The following LATS2 variants were observed in gnomAD, a reference collection of about 807,000 sequenced individuals.
The protein encoded by LATS2 is serine/threonine-protein kinase LATS2.
A neutral mutation model predicts 76.0 loss-of-function variants in LATS2; 24 were observed. The observed-to-expected ratio is 0.32, with a 90% CI of 0.23 to 0.44. The LOEUF (loss-of-function observed/expected upper bound fraction) is 0.44, where lower values mean the gene tolerates loss of function less well. Ranked by LOEUF, LATS2 falls within the 20% of genes least tolerant of loss-of-function variation. The pLI is 1.00. For synonymous variants in LATS2, 692 were observed against 635.4 expected (o/e 1.09, Z -1.34); for missense variants, 1,286 against 1,481.2 (o/e 0.87, Z 2.16).
chr13:20,993,637 C>T (rs1486262253), intron 2 of LATS2, among the ~76,000 whole-genome samples: 1 of 151,986 alleles, frequency 6.6e-6, no homozygotes, highest in Non-Finnish European at 1.5e-5. Flanking sequence ...GTTAAAGTGG[C>T]GCCTGGACTA....
chr13:21,051,389 T>C (rs573876818), intron 1 of LATS2, among the ~76,000 whole-genome samples: 1 of 152,218 alleles, frequency 6.6e-6, no homozygotes, highest in African/African-American at 2.4e-5. Context: ...ACAATGAAAG[T>C]TTGCCCAAAG....
Position 21,050,199 on chromosome 13 carries a change from AG to A in LATS2, c.-204-3970del, listed in dbSNP as rs201397018. On this transcript the variant is annotated intron_variant, in intron 1 of 7. Coordinates refer to ENST00000382592, the MANE Select transcript of LATS2 (RefSeq NM_014572.3). ...AGATGGAAAGCTGCTGAAAGCCAGG[AG>A]GAACAGTAAGGCTTTTGGGGGTGGA... Among the ~76,000 whole-genome samples the A allele has an allele frequency of 3.5e-4, 44 of 125,660 alleles. 1 individual carries two copies. In the East Asian group the frequency reaches 9.4e-3, roughly 27 times the overall value. 82.4% of individuals were successfully genotyped at this position (125,660 alleles called of 152,430 possible). A position where few individuals can be genotyped will look rare whatever the true frequency, so the allele number is the denominator to read the frequency against.
At chr13:21,025,812 G>A (rs971782764) in intron 2 of LATS2, among the ~76,000 whole-genome samples, 9 of 152,194 alleles carry the variant, frequency 5.9e-5, no homozygotes, top group African/African-American at 2.2e-4. Flanking sequence ...TTCCAGGCTA[G>A]AAAAAAGCAG....
chr13:21,033,825 CT>C (rs1872608450), intron 2 of LATS2, among the ~76,000 whole-genome samples: 4 of 151,732 alleles, frequency 2.6e-5, no homozygotes. Flanking sequence ...TAATCATTTA[CT>C]TTTGTACAAA....
intron 7 of LATS2, among the ~76,000 whole-genome samples, chr13:20,978,756 CTCT>C (rs1385224383): frequency 6.6e-6 from 1 of 152,066 alleles, no homozygotes; most frequent in Non-Finnish European, 1.5e-5. Flanking sequence ...AACCTATTTT[CTCT>C]TCTTTATGAT....
At position 20,992,242 on chromosome 13, in the gene LATS2, C is replaced by A. The variant is rs142061899; in HGVS notation, c.343-838G>T. 7.0e-4 allele frequency among the ~76,000 whole-genome samples: 107 copies of A among 152,232 alleles called. 2 individuals carry two copies. The highest frequency in any genetic ancestry group is 2.3e-3 in the African/African-American group (95 of 41,550). ...GAAAGATGGGCCCATGGCAGCAGCA[C>A]GCAAGGGTAGGTGGAGATGGGGGGA... On this transcript the variant is annotated intron_variant, in intron 2 of 7. Transcript: ENST00000382592.
chr13:20,998,141 G>A (rs1056112895), intron 2 of LATS2, among the ~76,000 whole-genome samples: 20 of 152,020 alleles, frequency 1.3e-4, no homozygotes, highest in African/African-American at 4.6e-4. Flanking sequence ...AGGTAGGATC[G>A]CTTGAGGCCA....
chr13:21,007,582 TA>T (rs1871339672), intron 2 of LATS2, among the ~76,000 whole-genome samples: 1 of 19,872 alleles, frequency 5.0e-5, no homozygotes, highest in African/African-American at 3.8e-4. Flanking sequence ...TATATATATA[TA>T]TATAGTATAT....
chr13:21,013,645 C>T (rs1008765741), intron 2 of LATS2, among the ~76,000 whole-genome samples: 1 of 152,106 alleles, frequency 6.6e-6, no homozygotes, highest in Non-Finnish European at 1.5e-5. Flanking sequence ...TTCTTGTCCT[C>T]CCAATAAATT....
At chr13:21,007,683 GTATA>G (rs1309299079) in intron 2 of LATS2, among the ~76,000 whole-genome samples, 6 of 354 alleles carry the variant, frequency 0.017, 1 homozygote, top group African/African-American at 0.021. Context: ...TATATATATA[GTATA>G]TATATATATA....
intron 2 of LATS2, among the ~76,000 whole-genome samples, chr13:21,027,658 T>G (rs1434547318): frequency 1.3e-5 from 2 of 152,182 alleles, no homozygotes; most frequent in Non-Finnish European, 2.9e-5. Flanking sequence ...TGGTCCAAAG[T>G]CAGGTCTAGC....
Position 20,974,874 on chromosome 13 carries a change from A to C in LATS2, c.3263T>G (p.Val1088Gly). The change falls in exon 8 of 8, where the codon GTG becomes GGG. Residue 1088 changes from valine to glycine, a missense_variant. Coordinates refer to ENST00000382592, the MANE Select transcript of LATS2 (RefSeq NM_014572.3). ...GTGGGGGTGCCTGGCCCCCATCTAC[A>C]CGTACACAGGCTGGCAGCCTTCAGT... Reference protein sequence around the residue: ...DQTEGCQPVYV With the variant: ...DQTEGCQPVYG The C allele has an allele frequency of 1.2e-6, 2 of 1,609,106 alleles. No homozygotes were observed. Among genetic ancestry groups the C allele is most frequent in the Non-Finnish European group, 1.7e-6 (2 of 1,177,552 alleles).
In LATS2 at chr13:20,989,260, C is replaced by G. The variant is rs769467425; in HGVS notation, c.520G>C (p.Glu174Gln). 1 of 1,614,000 alleles carries G rather than the reference C, an allele frequency of 6.2e-7. No homozygotes were observed. The highest frequency in any genetic ancestry group is 2.2e-5 in the East Asian group (1 of 44,882). Residue 174 changes from glutamate to glutamine, a missense_variant, in exon 4 of 8, where the codon GAA becomes CAA. Glu to Gln is a conservative substitution (Grantham distance 29). Around this residue, in one of 5 missense-constraint regions of LATS2, gnomAD observed 710 missense variants for 660.9 expected, o/e 1.07. Coordinates refer to ENST00000382592, the MANE Select transcript of LATS2 (RefSeq NM_014572.3). ...GACGCAAACGAATCGCCGGTTCCTT[C>G]GAAGCTGGGCCTCCGCGTCACTGGG... The part of the protein sequence containing the change: ...PTPVTRRPSF[E>Q]GTGDSFASYH...
chr13:20,987,055 C>T (rs1324381756), intron 4 of LATS2, among the ~76,000 whole-genome samples: 1 of 152,042 alleles, frequency 6.6e-6, no homozygotes, highest in African/African-American at 2.4e-5. Context: ...AATGGCCAGG[C>T]GTGGTGGTAG....
chr13:21,000,216 C>T (rs1870980522), intron 2 of LATS2, among the ~76,000 whole-genome samples: 1 of 151,910 alleles, frequency 6.6e-6, no homozygotes, highest in Non-Finnish European at 1.5e-5. Context: ...CCTGTCTCTA[C>T]TAAAAATATA....
intron 2 of LATS2, among the ~76,000 whole-genome samples, chr13:21,010,903 T>G (rs1398478438): frequency 2.0e-5 from 3 of 152,264 alleles, no homozygotes; most frequent in Non-Finnish European, 2.9e-5. Context: ...TAAATGGACC[T>G]GAGTGAGAAC....
At chr13:21,000,128 TCC>T in intron 2 of LATS2, among the ~76,000 whole-genome samples, 1 of 152,170 alleles carries the variant, frequency 6.6e-6, no homozygotes. Flanking sequence ...ACGCCTGTAA[TCC>T]CAACACTTTG....
chr13:20,977,579 A>G (rs915010079), intron 7 of LATS2, among the ~76,000 whole-genome samples: 1 of 151,842 alleles, frequency 6.6e-6, no homozygotes, highest in African/African-American at 2.4e-5. Context: ...TGAATTATAC[A>G]CTAAAATAAT....
intron 2 of LATS2, among the ~76,000 whole-genome samples, chr13:21,021,474 C>CAAAAAAAAAAA (rs58976562): frequency 4.1e-5 from 2 of 48,376 alleles, no homozygotes; most frequent in African/African-American, 1.4e-4. Flanking sequence ...GACTCTGTCT[C>CAAAAAAAAAAA]AAAAAAAAAA....
Sources: allele counts gnomAD v4.1 joint callset (sites outside exome capture counted in the v4.1 genomes callset), GRCh38; gene constraint gnomAD v4.1.1; regional missense constraint gnomAD v4.1.1; transcripts MANE v1.5; gene names NCBI Gene and HGNC (gene_info 2026-07-23, HGNC 2026-07-21).